TMIGD3: variants seen among roughly 807,000 people sequenced by gnomAD.
TMIGD3 encodes the protein transmembrane and immunoglobulin domain containing 3.
TMIGD3 carries 21 observed loss-of-function variants against 28.1 expected under a neutral mutation model. The observed-to-expected ratio is 0.75, with a 90% CI of 0.53 to 1.08. The LOEUF (loss-of-function observed/expected upper bound fraction) is 1.08, where lower values mean the gene tolerates loss of function less well. TMIGD3 is among the 50% of genes least tolerant of loss of function. The probability of loss-of-function intolerance (pLI) is 0.00; values close to 1 mark genes in which losing one functional copy is unlikely to be tolerated. For synonymous variants in TMIGD3, 151 were observed against 162.1 expected, an observed-to-expected ratio of 0.93 and a Z score of 0.52; for missense variants, 416 against 435.6, an observed-to-expected ratio of 0.96 and a Z score of 0.40.
intron 1 of TMIGD3, among the ~76,000 whole-genome samples, chr1:111,532,778 G>C (rs1656498243): frequency 6.6e-6 from 1 of 152,186 alleles, no homozygotes; most frequent in South Asian, 2.1e-4. Flanking sequence ...GTACCAGGAA[G>C]GCCCCGGCAT....
chr1:111,545,634 C>A (rs1350962591), intron 1 of TMIGD3, among the ~76,000 whole-genome samples: 1 of 152,020 alleles, frequency 6.6e-6, no homozygotes, highest in Non-Finnish European at 1.5e-5. Flanking sequence ...TTGATGAAGT[C>A]CAACTTCTCT....
Position 111,495,694 on chromosome 1 carries a change from G to A in TMIGD3, c.351-4932C>T, listed in dbSNP as rs139821093. Among the ~76,000 whole-genome samples, 842 of 152,222 alleles carry A rather than the reference G, an allele frequency of 5.5e-3. 8 individuals are homozygous for A. The highest frequency in any genetic ancestry group is 0.019 in the African/African-American group (801 of 41,526). ...GTATATACCCAAAGAAATATAAATT[G>A]TTCTATCATAATGACACATACATGT... is the stretch of plus-strand genomic sequence containing the variant. On this transcript the variant is annotated intron_variant, in intron 1 of 5. Transcript: ENST00000369716.
At chr1:111,500,299 A>G (rs931873034) in intron 1 of TMIGD3, 2 of 1,614,240 alleles carry the variant, frequency 1.2e-6, no homozygotes, top group Non-Finnish European at 1.7e-6. Context: ...GTTCCGAATG[A>G]TGTAAAAGAT....
At chr1:111,484,779 C>T (rs1403112996) in intron 5 of TMIGD3, among the ~76,000 whole-genome samples, 2 of 152,192 alleles carry the variant, frequency 1.3e-5, no homozygotes, top group Non-Finnish European at 2.9e-5. Flanking sequence ...CATTTCCATA[C>T]CCAAGGGAGG....
At chr1:111,555,401 A>G (rs1657448929) in intron 1 of TMIGD3, among the ~76,000 whole-genome samples, 1 of 148,506 alleles carries the variant, frequency 6.7e-6, no homozygotes. Context: ...ATTACCAGAC[A>G]TATTTGAAAA....
At chr1:111,551,303 T>G (rs1423814314) in intron 1 of TMIGD3, among the ~76,000 whole-genome samples, 1 of 152,180 alleles carries the variant, frequency 6.6e-6, no homozygotes, top group Non-Finnish European at 1.5e-5. Context: ...GTCTTATATC[T>G]TTTTTGCACC....
At chr1:111,485,663 C>CA in intron 5 of TMIGD3, 77 bp downstream of exon 5, 1 of 1,160,934 alleles carries the variant, frequency 8.6e-7, no homozygotes, top group Non-Finnish European at 1.2e-6. Context: ...CTCATTCACT[C>CA]ATTTGAAATC....
At chr1:111,505,123 CCAAAAAA>C, upstream of TMIGD3, 1 of 141,288 alleles carries the variant, frequency 7.1e-6, no homozygotes, top group Non-Finnish European at 1.1e-5. Flanking sequence ...CAGCACTCTG[CCAAAAAA>C]AAAAAAAAAA....
At chr1:111,558,166 T>C (rs1269465149) in intron 1 of TMIGD3, among the ~76,000 whole-genome samples, 2 of 152,014 alleles carry the variant, frequency 1.3e-5, no homozygotes, top group African/African-American at 4.8e-5. Context: ...GTTAAAAAAG[T>C]CAATATGGAA....
chr1:111,539,538 C>T (rs1458420070), intron 1 of TMIGD3, among the ~76,000 whole-genome samples: 3 of 152,068 alleles, frequency 2.0e-5, no homozygotes, highest in African/African-American at 4.8e-5. Context: ...CCTCATAATC[C>T]GCCCGCCTCG....
chr1:111,555,110 A>T (rs1006724733), intron 1 of TMIGD3, among the ~76,000 whole-genome samples: 6 of 152,174 alleles, frequency 3.9e-5, no homozygotes, highest in Admixed American at 2.0e-4. Flanking sequence ...TCACACCTGT[A>T]ATTCCAACAC....
At chr1:111,561,200 T>G (rs932915662) in intron 1 of TMIGD3, among the ~76,000 whole-genome samples, 2 of 152,232 alleles carry the variant, frequency 1.3e-5, no homozygotes, top group African/African-American at 2.4e-5. Context: ...TGTGGCTCAC[T>G]GCATCCTCAA....
At chr1:111,487,373 A>G (rs1467798493) in intron 3 of TMIGD3, among the ~76,000 whole-genome samples, 2 of 152,206 alleles carry the variant, frequency 1.3e-5, no homozygotes, top group Non-Finnish European at 2.9e-5. Context: ...CTCTCTTTCT[A>G]GCATGGGGAC....
intron 1 of TMIGD3, among the ~76,000 whole-genome samples, chr1:111,527,675 T>C (rs1203835695): frequency 6.6e-6 from 1 of 152,252 alleles, no homozygotes; most frequent in African/African-American, 2.4e-5. Context: ...TTAGTGCTAT[T>C]AATGTTTTGA....
chr1:111,505,570 C>G (rs1655457871), upstream of TMIGD3, among the ~76,000 whole-genome samples: 1 of 152,182 alleles, frequency 6.6e-6, no homozygotes, highest in Admixed American at 6.5e-5. Flanking sequence ...AACATTTTGG[C>G]CTGGAACCTG....
chr1:111,545,776 C>T (rs546347044), intron 1 of TMIGD3, among the ~76,000 whole-genome samples: 1 of 152,008 alleles, frequency 6.6e-6, no homozygotes, highest in Non-Finnish European at 1.5e-5. Context: ...GTTATTTGAT[C>T]GATTTTTACT....
In TMIGD3 at chr1:111,490,877, A is replaced by T; in HGVS notation, c.351-115T>A. On this transcript the variant is annotated intron_variant, in intron 1 of 5. Transcript: ENST00000369716. ...AAGCAGTGCTGCCATGTATAGATAC[A>T]CTGCACAATGCACCATACCACATGC... 2.8e-6 allele frequency: 2 copies of T among 716,488 alleles called. 1 individual carries two copies. The highest frequency in any genetic ancestry group is 4.7e-4 in the Middle Eastern group (2 of 4,224). The allele number at this position is 716,488 out of a possible 1,614,324, so 44.4% of individuals were successfully genotyped here.
intron 3 of TMIGD3, among the ~76,000 whole-genome samples, chr1:111,487,902 T>C (rs537360527): frequency 1.6e-3 from 235 of 150,596 alleles, no homozygotes; most frequent in South Asian, 3.0e-3. Flanking sequence ...CTCCCTGGAC[T>C]CAGATGATCC....
upstream of TMIGD3, among the ~76,000 whole-genome samples, chr1:111,506,478 G>A (rs1424317151): frequency 6.6e-6 from 1 of 152,230 alleles, no homozygotes; most frequent in East Asian, 1.9e-4. Flanking sequence ...ACTCTGCGGG[G>A]TTAAATAACT....
Sources: allele counts gnomAD v4.1 joint callset (sites outside exome capture counted in the v4.1 genomes callset), GRCh38; gene constraint gnomAD v4.1.1; transcripts MANE v1.5; gene names NCBI Gene and HGNC (gene_info 2026-07-23, HGNC 2026-07-21).